GPHN: variants seen among roughly 807,000 people sequenced by gnomAD.
GPHN encodes the protein gephyrin.
Under a neutral mutation model 95.5 loss-of-function variants are expected in GPHN, and 17 were observed. That is an observed-to-expected ratio of 0.18 (90% CI 0.12 to 0.27). GPHN has a LOEUF of 0.27. Ranked by LOEUF, GPHN falls within the 10% of genes least tolerant of loss-of-function variation. GPHN has a pLI of 1.00. For synonymous variants in GPHN, 320 were observed against 322.5 expected, an observed-to-expected ratio of 0.99 and a Z score of 0.08; for missense variants, 660 against 978.1, an observed-to-expected ratio of 0.67 and a Z score of 4.34.
the GPHN span, among the ~76,000 whole-genome samples, chr14:67,661,283 A>AAT: frequency 2.0e-5 from 3 of 147,798 alleles, no homozygotes; most frequent in African/African-American, 7.5e-5. Flanking sequence ...TAGAGCAAAA[A>AAT]AAAAAAAAAA....
chr14:67,637,243 C>G, the GPHN span, among the ~76,000 whole-genome samples: 1 of 151,630 alleles, frequency 6.6e-6, no homozygotes, highest in Non-Finnish European at 1.5e-5. Flanking sequence ...AACCTCGTCT[C>G]TACTAAAACT....
the GPHN span, chr14:67,412,093 C>T: frequency 6.7e-7 from 1 of 1,489,368 alleles, no homozygotes; most frequent in Admixed American, 2.4e-5. Flanking sequence ...ACCCCAGGTG[C>T]GCCTTCCCCG....
chr14:66,776,864 A>T (rs1027430428), intron 3 of GPHN, among the ~76,000 whole-genome samples: 3 of 125,444 alleles, frequency 2.4e-5, no homozygotes, highest in Non-Finnish European at 4.9e-5. Flanking sequence ...ATAAGCCTTC[A>T]CCACTTTTAA....
intron 3 of GPHN, among the ~76,000 whole-genome samples, chr14:66,781,935 T>C (rs537058520): frequency 6.6e-6 from 1 of 152,214 alleles, no homozygotes; most frequent in African/African-American, 2.4e-5. Flanking sequence ...TCAACTTTCC[T>C]GACTGAAATC....
chr14:67,051,522 T>G (rs113637420), intron 10 of GPHN, among the ~76,000 whole-genome samples: 2 of 152,184 alleles, frequency 1.3e-5, no homozygotes, highest in South Asian at 4.2e-4. Flanking sequence ...TGGAACCAAG[T>G]TGGAAAACGT....
At chr14:66,976,731 A>G (rs952234639) in intron 9 of GPHN, among the ~76,000 whole-genome samples, 1 of 152,164 alleles carries the variant, frequency 6.6e-6, no homozygotes. Context: ...AGACATTTTA[A>G]CCCTGTTCTT....
At chr14:66,748,280 G>A (rs746764975) in intron 2 of GPHN, among the ~76,000 whole-genome samples, 3 of 151,846 alleles carry the variant, frequency 2.0e-5, no homozygotes, top group Admixed American at 6.6e-5. Flanking sequence ...GTTATCACAG[G>A]CTTTCTATGG....
the GPHN span, among the ~76,000 whole-genome samples, chr14:67,247,157 T>C: frequency 1.3e-5 from 2 of 152,256 alleles, no homozygotes; most frequent in East Asian, 1.9e-4. Flanking sequence ...TCTTAATAAT[T>C]TGAGTCTTCT....
intron 4 of GPHN, among the ~76,000 whole-genome samples, chr14:66,858,999 C>T (rs2062913503): frequency 6.6e-6 from 1 of 152,058 alleles, no homozygotes; most frequent in Non-Finnish European, 1.5e-5. Flanking sequence ...AATAGAACAC[C>T]AGGTAAATGT....
chr14:66,807,420 C>G (rs1024028604), intron 3 of GPHN, among the ~76,000 whole-genome samples: 17 of 152,170 alleles, frequency 1.1e-4, no homozygotes, highest in Admixed American at 2.6e-4. Flanking sequence ...AAAGGTCACA[C>G]AGCAAGCAGT....
intron 2 of GPHN, among the ~76,000 whole-genome samples, chr14:66,769,648 A>G (rs1359602540): frequency 1.3e-5 from 2 of 152,140 alleles, no homozygotes; most frequent in Non-Finnish European, 2.9e-5. Context: ...CCTGCAAAGG[A>G]CATTATCTTG....
At chr14:67,732,494 AAGAG>A in the GPHN span, among the ~76,000 whole-genome samples, 2 of 150,566 alleles carry the variant, frequency 1.3e-5, no homozygotes, top group African/African-American at 2.4e-5. Context: ...GTAAGAGAGA[AAGAG>A]AGAGAGAGAC....
intron 2 of GPHN, among the ~76,000 whole-genome samples, chr14:66,770,878 GGT>G (rs898107797): frequency 9.9e-5 from 15 of 151,830 alleles, no homozygotes; most frequent in African/African-American, 2.2e-4. Flanking sequence ...GTTTATCATA[GGT>G]GTGTGTGTGT....
At chr14:66,894,097 C>T (rs1055185066) in intron 5 of GPHN, among the ~76,000 whole-genome samples, 1 of 152,172 alleles carries the variant, frequency 6.6e-6, no homozygotes, top group Non-Finnish European at 1.5e-5. Context: ...CCTCACACTA[C>T]CAGACTTCAA....
chr14:66,887,560 C>T (rs185961684), intron 5 of GPHN, among the ~76,000 whole-genome samples: 8 of 152,140 alleles, frequency 5.3e-5, no homozygotes, highest in Admixed American at 1.3e-4. Context: ...GGCGACAGAG[C>T]GAGACTCCAT....
At chr14:66,885,377 G>T (rs76047122) in intron 5 of GPHN, among the ~76,000 whole-genome samples, 1 of 152,010 alleles carries the variant, frequency 6.6e-6, no homozygotes, top group African/African-American at 2.4e-5. Context: ...AGTAGATTTT[G>T]GTTAATTTGG....
chr14:66,604,892 G>A (rs1219992535), intron 1 of GPHN, among the ~76,000 whole-genome samples: 5 of 122,200 alleles, frequency 4.1e-5, no homozygotes, highest in Admixed American at 1.2e-4. Context: ...AATGTCTATT[G>A]TTCTCATCTT....
chr14:67,597,098 G>C, the GPHN span, among the ~76,000 whole-genome samples: 2 of 152,306 alleles, frequency 1.3e-5, no homozygotes, highest in African/African-American at 4.8e-5. Flanking sequence ...TGATTTTTAA[G>C]TTTTTACAGG....
At chr14:66,509,627 G>A (rs1451675997) in intron 1 of GPHN, among the ~76,000 whole-genome samples, 7 of 152,146 alleles carry the variant, frequency 4.6e-5, no homozygotes, top group African/African-American at 1.4e-4. Context: ...TGGCGAGACG[G>A]GGGTTAAAGA....
Sources: gnomAD v4.1 joint callset for allele counts (sites outside exome capture counted in the v4.1 genomes callset) on GRCh38, gnomAD v4.1.1 for gene constraint, MANE v1.5 for transcripts, NCBI Gene and HGNC (gene_info 2026-07-23, HGNC 2026-07-21) for gene names.